The following RTN4 variants were observed in gnomAD, a reference collection of about 807,000 sequenced individuals.
The protein encoded by RTN4 is reticulon-4.
Under a neutral mutation model 90.4 loss-of-function variants are expected in RTN4, and 32 were observed. The observed-to-expected ratio is 0.35, with a 90% confidence interval of 0.27 to 0.48. RTN4 has a LOEUF of 0.48. RTN4 is among the 20% of genes least tolerant of loss of function. The pLI is 0.99. For synonymous variants in RTN4, 629 were observed against 552.5 expected, an observed-to-expected ratio of 1.14 and a Z score of -1.94; for missense variants, 1,706 against 1,430.2, an observed-to-expected ratio of 1.19 and a Z score of -3.11.
In RTN4 at chr2:55,049,843, G is replaced by A; in HGVS notation, c.458C>T (p.Pro153Leu). ...PPPPPPASVSPQAEPVWTPPA... is the reference protein window; with the variant it reads ...PPPPPPASVSLQAEPVWTPPA... ...CGGGGTCCACACGGGCTCTGCCTGG[G>A]GGCTCACGCTGGCCGGGGGAGGAGG... Residue 153 changes from proline (P) to leucine (L), a missense_variant, in exon 1 of 9, where the codon CCC becomes CTC. Pro to Leu is a moderately conservative substitution (Grantham distance 98). Transcript: ENST00000337526. 7.6e-7 allele frequency: 1 copy of A among 1,315,832 alleles called. No homozygotes were observed. Among genetic ancestry groups the A allele is most frequent in the Non-Finnish European group, 9.7e-7 (1 of 1,036,076 alleles). The allele number at this position is 1,315,832 out of a possible 1,614,324, so 81.5% of individuals were successfully genotyped here. A position where few individuals can be genotyped will look rare whatever the true frequency, so the allele number is the denominator to read the frequency against.
At chr2:55,050,542 A>T (rs1040058882), upstream of RTN4, 2 of 350,596 alleles carry the variant, frequency 5.7e-6, no homozygotes, top group African/African-American at 2.1e-5. The surrounding 1 kb of genome is among the most constrained non-coding windows in gnomAD (Gnocchi z 4.6). Context: ...GAGTGAGGCC[A>T]GCGGACTCTC....
intron 1 of RTN4, among the ~76,000 whole-genome samples, chr2:55,108,651 C>T (rs1378433126): frequency 6.6e-6 from 1 of 152,050 alleles, no homozygotes; most frequent in African/African-American, 2.4e-5. Context: ...AGGGCCATGC[C>T]CCTATCCTTA....
At chr2:55,061,343 C>T (rs749783162) in intron 2 of RTN4, among the ~76,000 whole-genome samples, 1 of 152,160 alleles carries the variant, frequency 6.6e-6, no homozygotes, top group Non-Finnish European at 1.5e-5. Context: ...GGATTACAGA[C>T]GTGAGCCACC....
chr2:54,976,766 T>C (rs1246205009), intron 5 of RTN4, among the ~76,000 whole-genome samples: 2 of 152,104 alleles, frequency 1.3e-5, no homozygotes, highest in Non-Finnish European at 2.9e-5. Context: ...AGGAATAAGG[T>C]CAATAAACAC....
intron 1 of RTN4, among the ~76,000 whole-genome samples, chr2:55,105,540 T>C (rs2105061408): frequency 6.6e-6 from 1 of 152,220 alleles, no homozygotes; most frequent in South Asian, 2.1e-4. Context: ...AGATTGTTTT[T>C]CTAATTTATT....
rs1678221623 is a variant in RTN4 at position 54,982,532 on chromosome 2, AATC to A, written c.3340_3342del (p.Asp1114del). On this transcript the variant is annotated inframe_deletion, in exon 5 of 9. Transcript: ENST00000337526. ...AAACTTACCTTCAGAGAATCAACTA[AATC>A]ATCAACTAAGAAGAGGCGCCTGAGT... is the stretch of plus-strand genomic sequence containing the variant. The A allele has an allele frequency of 1.2e-6, 2 of 1,610,852 alleles. No individual in the cohort carries two copies. The highest frequency in any genetic ancestry group is 1.3e-5 in the African/African-American group (1 of 74,860).
the RTN4 span, among the ~76,000 whole-genome samples, chr2:55,125,104 C>T: frequency 6.6e-6 from 1 of 152,208 alleles, no homozygotes; most frequent in African/African-American, 2.4e-5. Flanking sequence ...GAAAAAAATT[C>T]AACTAAAGAT....
chr2:55,028,939 G>T (rs947187053), intron 1 of RTN4, among the ~76,000 whole-genome samples: 7 of 152,140 alleles, frequency 4.6e-5, no homozygotes, highest in African/African-American at 1.4e-4. Flanking sequence ...CTTAATCACT[G>T]TATGTTACAG....
intron 2 of RTN4, among the ~76,000 whole-genome samples, chr2:55,077,756 T>TACACACACACACACACAC (rs200121610): frequency 7.5e-4 from 109 of 144,454 alleles, no homozygotes; most frequent in African/African-American, 2.6e-3. Flanking sequence ...AAATGTTTTA[T>TACACACACACACACACAC]ACACACACAC....
intron 3 of RTN4, among the ~76,000 whole-genome samples, chr2:55,020,465 A>G (rs1195968850): frequency 6.8e-6 from 1 of 147,630 alleles, no homozygotes; most frequent in South Asian, 2.4e-4. Flanking sequence ...AATGCCAAGA[A>G]CATTCATTGA....
chr2:55,042,430 T>A (rs1011053145), intron 1 of RTN4, among the ~76,000 whole-genome samples: 18 of 152,078 alleles, frequency 1.2e-4, no homozygotes, highest in Non-Finnish European at 1.6e-4. Context: ...ATATGGTACA[T>A]CCCCAGAGTC....
chr2:55,027,506 G>T (rs753865205), intron 2 of RTN4, 21 bp from the exon 3 acceptor site: 11 of 1,567,496 alleles, frequency 7.0e-6, no homozygotes, highest in African/African-American at 6.9e-5. Context: ...GGACAGAAAG[G>T]AAAGTTAGAG....
chr2:55,047,247 T>C lies in RTN4; in HGVS notation c.556+2498A>G, dbSNP rs530798650. 1.6e-4 allele frequency among the ~76,000 whole-genome samples: 24 copies of C among 151,804 alleles called. No homozygotes were observed. The South Asian group carries it at 3.7e-3, about 24-fold the overall frequency. ...CGGGAGGCTGAGGCAGGAGAATCACTTGAACCTGGGAGGCGGAGGTTGCAG... is the reference window on the plus strand; with the variant it reads ...CGGGAGGCTGAGGCAGGAGAATCACCTGAACCTGGGAGGCGGAGGTTGCAG... On this transcript the variant is annotated intron_variant, in intron 1 of 8. Coordinates refer to ENST00000337526, the MANE Select transcript of RTN4 (RefSeq NM_020532.5).
At chr2:55,108,156 T>C (rs1449428554) in intron 1 of RTN4, among the ~76,000 whole-genome samples, 3 of 152,128 alleles carry the variant, frequency 2.0e-5, no homozygotes, top group Non-Finnish European at 4.4e-5. Flanking sequence ...GGTTTTCCCA[T>C]GTTGGCCAGG....
intron 3 of RTN4, among the ~76,000 whole-genome samples, chr2:54,991,546 TTCTAA>T (rs976213248): frequency 4.2e-4 from 64 of 152,340 alleles, no homozygotes; most frequent in East Asian, 3.9e-4. Flanking sequence ...GGCATTAATC[TTCTAA>T]TCTCTCTTTT....
At chr2:55,108,473 T>C (rs1029710119) in intron 1 of RTN4, among the ~76,000 whole-genome samples, 1 of 151,968 alleles carries the variant, frequency 6.6e-6, no homozygotes, top group Non-Finnish European at 1.5e-5. Context: ...ATGATAATAT[T>C]GAGAACTGAG....
At chr2:55,012,682 A>G (rs77544061) in intron 3 of RTN4, among the ~76,000 whole-genome samples, 1,539 of 152,266 alleles carry the variant, frequency 0.01, 30 homozygotes, top group African/African-American at 0.035. Context: ...GTATGCTAAA[A>G]ATAACAATCA....
chr2:55,114,675 G>C (rs1355053940), upstream of RTN4, among the ~76,000 whole-genome samples: 1 of 152,124 alleles, frequency 6.6e-6, no homozygotes, highest in Non-Finnish European at 1.5e-5. Context: ...CTCCAGGCTG[G>C]GTGATACAGT....
intron 3 of RTN4, among the ~76,000 whole-genome samples, chr2:55,011,680 T>G (rs62134848): frequency 6.6e-6 from 1 of 152,082 alleles, no homozygotes; most frequent in African/African-American, 2.4e-5. Flanking sequence ...ACTCCTATTA[T>G]GTACCCAAAA....
Sources: gnomAD v4.1 joint callset for allele counts (sites outside exome capture counted in the v4.1 genomes callset) on GRCh38, gnomAD v4.1.1 for gene constraint, Gnocchi (gnomAD v3.1) non-coding constraint, MANE v1.5 for transcripts, NCBI Gene and HGNC (gene_info 2026-07-23, HGNC 2026-07-21) for gene names.